Variants in KDM3B observed in about 807,000 individuals in gnomAD.
KDM3B encodes the protein lysine demethylase 3B, also known as lysine-specific demethylase 3B.
KDM3B carries 10 observed loss-of-function variants against 170.0 expected under a neutral mutation model. The ratio of observed to expected loss-of-function variants is 0.06; its 90% CI spans 0.04 to 0.10. KDM3B has a LOEUF of 0.10. KDM3B is among the 10% of genes least tolerant of loss of function. The pLI is 1.00. For missense variants in KDM3B, 1,394 were observed against 2,195.2 expected (o/e 0.64, Z 7.29); for synonymous variants, 831 against 834.8 (o/e 1.00, Z 0.08).
chr5:138,426,896 A>G, intron 17 of KDM3B, 79 bp from the exon 18 acceptor site: 1 of 915,206 alleles, frequency 1.1e-6, no homozygotes, highest in Non-Finnish European at 1.8e-6. Context: ...AAAAGAGATT[A>G]GTCTCCCAAA....
chr5:138,383,641 ATC>A (rs1393209394), intron 6 of KDM3B, among the ~76,000 whole-genome samples: 1 of 152,214 alleles, frequency 6.6e-6, no homozygotes, highest in Non-Finnish European at 1.5e-5. Context: ...ACTGATTGTG[ATC>A]TGCAACAGTG....
At position 138,420,761 on chromosome 5, in the gene KDM3B, G is replaced by A. The variant is rs776640207; in HGVS notation, c.3771G>A (p.Leu1257=). ...AAGAGTCTCATTCACCCTTTGGGCT[G>A]GACTCGTTCAACTCCACTGCAAAGG... ...LNKESHSPFG[L]DSFNSTAKVS... Residue 1257 remains leucine, a synonymous_variant, in exon 15 of 24, where the codon CTG becomes CTA. Coordinates refer to ENST00000314358, the MANE Select transcript of KDM3B (RefSeq NM_016604.4). 4 of 1,613,958 alleles carry A rather than the reference G, an allele frequency of 2.5e-6. No individual in the cohort carries two copies. In the East Asian group the frequency reaches 8.9e-5, roughly 36 times the overall value.
intron 11 of KDM3B, 122 bp from the exon 12 acceptor site, chr5:138,415,010 A>G (rs1487668329): frequency 9.6e-6 from 5 of 518,484 alleles, no homozygotes; most frequent in Non-Finnish European, 1.7e-5. Context: ...TTGTTTTTTT[A>G]AGTTAGCTGT....
At position 138,385,957 on chromosome 5, in the gene KDM3B, TA is replaced by T. The variant is rs1209772487; in HGVS notation, c.781-63del. 4.6e-6 allele frequency: 7 copies of T among 1,521,012 alleles called. No homozygotes were observed. In the Admixed American group the frequency reaches 8.5e-5, roughly 19 times the overall value. The allele number at this position is 1,521,012 out of a possible 1,614,324, so 94.2% of individuals were successfully genotyped here. A position where few individuals can be genotyped will look rare whatever the true frequency, so the allele number is the denominator to read the frequency against. ...TCTGCTTCTAGAGATGGGAAAGAGC[TA>T]ATGGTGTGTGGTATTCACAGGATGA... On this transcript the variant is annotated intron_variant, in intron 6 of 23. Transcript: ENST00000314358.
At chr5:138,379,145 A>G (rs1314799701) in intron 4 of KDM3B, among the ~76,000 whole-genome samples, 1 of 152,228 alleles carries the variant, frequency 6.6e-6, no homozygotes, top group Non-Finnish European at 1.5e-5. Context: ...GTAAATGGTC[A>G]TATATAAACA....
intron 5 of KDM3B, among the ~76,000 whole-genome samples, chr5:138,381,216 T>A (rs1762117323): frequency 6.6e-6 from 1 of 152,184 alleles, no homozygotes; most frequent in Admixed American, 6.6e-5. Flanking sequence ...GAAGGTTTTT[T>A]GTTTCATACT....
intron 19 of KDM3B, 50 bp from the exon 20 acceptor site, chr5:138,427,917 T>G (rs1433393327): frequency 6.3e-7 from 1 of 1,578,566 alleles, no homozygotes; most frequent in African/African-American, 1.4e-5. Context: ...TCGACGTGGA[T>G]TCTTCCAAAT....
chr5:138,426,633 G>C (rs1295066064), intron 17 of KDM3B: 3 of 230,052 alleles, frequency 1.3e-5, no homozygotes, highest in Non-Finnish European at 1.8e-5. Flanking sequence ...CCTTACGCCT[G>C]TAATCCCAGC....
intron 1 of KDM3B, among the ~76,000 whole-genome samples, chr5:138,369,817 A>G (rs910860455): frequency 6.6e-6 from 1 of 152,176 alleles, no homozygotes; most frequent in Non-Finnish European, 1.5e-5. Context: ...TAATCAACCA[A>G]AGTGCTTAGA....
chr5:138,420,944 C>T lies in KDM3B; in HGVS notation c.3954C>T (p.Val1318=), dbSNP rs1321720051. The change falls in exon 15 of 24, where the codon GTC becomes GTT. Residue 1318 remains valine, a synonymous_variant. Transcript: ENST00000314358. ...ACACAGGCATACCCTTTCCCCCGGT[C>T]TTCTCTACATCCTCAGCAGTAAGTG... ...PLDTGIPFPP[V]FSTSSAGVKS... The T allele has an allele frequency of 6.2e-7, 1 of 1,614,024 alleles. No individual in the cohort carries two copies. The highest frequency in any genetic ancestry group is 2.2e-5 in the East Asian group (1 of 44,884).
chr5:138,418,191 T>A (rs752863179), intron 13 of KDM3B, among the ~76,000 whole-genome samples: 33 of 146,682 alleles, frequency 2.2e-4, no homozygotes, highest in Admixed American at 5.5e-4. Context: ...GTGATTCTCA[T>A]GCCTCAGCCT....
At chr5:138,364,600 A>C (rs74462502) in intron 1 of KDM3B, among the ~76,000 whole-genome samples, 1 of 152,030 alleles carries the variant, frequency 6.6e-6, no homozygotes, top group Non-Finnish European at 1.5e-5. Flanking sequence ...AAAAAAAAAA[A>C]GTCATGCCAG....
At chr5:138,358,290 T>C (rs1444580310) in intron 1 of KDM3B, among the ~76,000 whole-genome samples, 17 of 133,074 alleles carry the variant, frequency 1.3e-4, no homozygotes, top group African/African-American at 4.4e-4. Flanking sequence ...CGGGAATTTT[T>C]TTTCTTTCTT....
chr5:138,360,154 A>G (rs1402379670), intron 1 of KDM3B, among the ~76,000 whole-genome samples: 3 of 152,190 alleles, frequency 2.0e-5, no homozygotes, highest in Admixed American at 2.0e-4. Context: ...TTCGCTACCT[A>G]TGGTCAAACA....
At chr5:138,402,613 A>G (rs955099406) in intron 11 of KDM3B, among the ~76,000 whole-genome samples, 3 of 152,312 alleles carry the variant, frequency 2.0e-5, no homozygotes, top group Admixed American at 6.5e-5. Context: ...AGTATTCTGC[A>G]CCTGCCCATG....
intron 9 of KDM3B, among the ~76,000 whole-genome samples, chr5:138,396,732 T>A (rs1180840293): frequency 6.6e-6 from 1 of 151,584 alleles, no homozygotes; most frequent in Non-Finnish European, 1.5e-5. Flanking sequence ...CTTTTCTCAG[T>A]GGAATAGAAA....
At chr5:138,379,003 A>G (rs1458182750) in intron 4 of KDM3B, among the ~76,000 whole-genome samples, 1 of 152,024 alleles carries the variant, frequency 6.6e-6, no homozygotes, top group East Asian at 1.9e-4. Flanking sequence ...AAAGTAATAT[A>G]TTTGAAACTC....
At chr5:138,388,753 A>G (rs1042219509) in intron 7 of KDM3B, among the ~76,000 whole-genome samples, 18 of 151,960 alleles carry the variant, frequency 1.2e-4, no homozygotes, top group African/African-American at 4.4e-4. Flanking sequence ...CGGAGATTGC[A>G]GTGAGCCAAG....
chr5:138,413,048 A>C (rs1402224133), intron 11 of KDM3B, among the ~76,000 whole-genome samples: 2 of 152,198 alleles, frequency 1.3e-5, no homozygotes, highest in African/African-American at 2.4e-5. Flanking sequence ...TTAAAACCAT[A>C]ATGAGAAATT....
Sources: gnomAD v4.1 joint callset for allele counts (sites outside exome capture counted in the v4.1 genomes callset) on GRCh38, gnomAD v4.1.1 for gene constraint, MANE v1.5 for transcripts, NCBI Gene and HGNC (gene_info 2026-07-23, HGNC 2026-07-21) for gene names.